Variants in PLCH1 observed in about 807,000 individuals in gnomAD.
The protein encoded by PLCH1 is phospholipase C eta 1.
Under a neutral mutation model 126.7 loss-of-function variants are expected in PLCH1, and 60 were observed. The observed-to-expected ratio is 0.47, with a 90% CI of 0.38 to 0.59. The LOEUF (loss-of-function observed/expected upper bound fraction) is 0.59, where lower values mean the gene tolerates loss of function less well. Among genes scored for constraint, PLCH1 ranks in the 20% least tolerant of loss-of-function variants. The pLI is 0.00. For missense variants in PLCH1, 1,723 were observed against 2,040.0 expected, an observed-to-expected ratio of 0.84 and a Z score of 2.99; for synonymous variants, 719 against 734.9, an observed-to-expected ratio of 0.98 and a Z score of 0.35.
intron 2 of PLCH1, among the ~76,000 whole-genome samples, chr3:155,699,625 T>C (rs949461003): frequency 2.0e-5 from 3 of 152,218 alleles, no homozygotes; most frequent in African/African-American, 7.2e-5. Flanking sequence ...CCTAATTCAC[T>C]TTTGCATAAT....
intron 14 of PLCH1, among the ~76,000 whole-genome samples, chr3:155,500,298 G>A (rs1411849569): frequency 6.6e-6 from 1 of 152,314 alleles, no homozygotes; most frequent in Admixed American, 6.5e-5. Flanking sequence ...ACAATGAGGA[G>A]CCAAACTTGT....
At chr3:155,699,441 T>C (rs1193034365) in intron 2 of PLCH1, among the ~76,000 whole-genome samples, 2 of 152,204 alleles carry the variant, frequency 1.3e-5, no homozygotes, top group Admixed American at 1.3e-4. Context: ...AGGAATTCTA[T>C]GTGCACAGGT....
In PLCH1 at chr3:155,669,268, A is replaced by G. The variant is rs79832380; in HGVS notation, c.79+34878T>C. On this transcript the variant is annotated intron_variant, in intron 2 of 22. Transcript: ENST00000460012. Reference sequence around the variant, plus strand: ...ATTAAATAGAGAACTGGCTAAGCACATTTTTTTAAATAAAATAAGAAACTT... The same window carrying G: ...ATTAAATAGAGAACTGGCTAAGCACGTTTTTTTAAATAAAATAAGAAACTT... Among the ~76,000 whole-genome samples the G allele has an allele frequency of 3.0e-3, 454 of 152,294 alleles. 2 individuals are homozygous for G. The highest frequency in any genetic ancestry group is 0.01 in the African/African-American group (422 of 41,550).
chr3:155,451,214 T>C (rs916254648), intron 21 of PLCH1, among the ~76,000 whole-genome samples: 16 of 152,132 alleles, frequency 1.1e-4, no homozygotes, highest in African/African-American at 3.6e-4. Flanking sequence ...CATCATTTGA[T>C]AACATTACAG....
intron 2 of PLCH1, among the ~76,000 whole-genome samples, chr3:155,699,242 ATT>A (rs1385186431): frequency 1.3e-5 from 2 of 151,766 alleles, no homozygotes; most frequent in African/African-American, 4.8e-5. Context: ...CACCCAGCTA[ATT>A]TTTTGTATTT....
At position 155,492,754 on chromosome 3, in the gene PLCH1, T is replaced by C; in HGVS notation, c.2282A>G (p.Asp761Gly). The stretch of plus-strand genomic sequence containing the variant: ...CTCGCCTCGATCTCCAAACATGGAG[T>C]CTGGAGGTTTGGGGAGTTGCTGTCC... The part of the protein sequence containing the change: ...ISGQQLPKPP[D>G]SMFGDRGEII... The change falls in exon 18 of 23, where the codon GAC (aspartate) becomes GGC (glycine). Residue 761 changes from aspartate (D) to glycine (G), a missense_variant. Asp to Gly is a moderately conservative substitution (Grantham distance 94, BLOSUM62 -1). Coordinates refer to ENST00000460012, the MANE Select transcript of PLCH1 (RefSeq NM_014996.4). 4 of 1,596,222 alleles carry C rather than the reference T, an allele frequency of 2.5e-6. No individual in the cohort carries two copies. Among genetic ancestry groups the C allele is most frequent in the African/African-American group, 2.7e-5 (2 of 74,090 alleles).
rs1200179269 is a variant in PLCH1, at chr3:155,480,028, A to C, written c.*940T>G. 6.6e-6 allele frequency: 1 copy of C among 152,428 alleles called. No individual in the cohort carries two copies. The highest frequency in any genetic ancestry group is 1.9e-4 in the East Asian group (1 of 5,194). The allele number at this position is 152,428 out of a possible 1,614,324, so 9.4% of individuals were successfully genotyped here. ...AGTGAAAATAATGCATGTCAGTACT[A>C]AAATAGAGTTGCTTGGTTCCCTGAA... On this transcript the variant is annotated 3_prime_UTR_variant, in exon 23 of 23. Coordinates refer to ENST00000460012, the MANE Select transcript of PLCH1 (RefSeq NM_014996.4).
intron 2 of PLCH1, among the ~76,000 whole-genome samples, chr3:155,605,321 C>A (rs1396533904): frequency 6.6e-6 from 1 of 152,058 alleles, no homozygotes; most frequent in African/African-American, 2.4e-5. Flanking sequence ...AGAGTAAATT[C>A]TTGGGGATCA....
intron 2 of PLCH1, among the ~76,000 whole-genome samples, chr3:155,646,266 T>C (rs1213861363): frequency 6.6e-6 from 1 of 152,200 alleles, no homozygotes. Flanking sequence ...GGCTTCAGGC[T>C]CAAGCCTGGA....
chr3:155,631,456 C>T (rs1002637029), intron 2 of PLCH1, among the ~76,000 whole-genome samples: 6 of 152,180 alleles, frequency 3.9e-5, no homozygotes, highest in East Asian at 3.9e-4. Context: ...GCCTGGACTC[C>T]GGCTCTCCCA....
At chr3:155,553,353 G>A (rs1009176115) in intron 9 of PLCH1, among the ~76,000 whole-genome samples, 7 of 152,078 alleles carry the variant, frequency 4.6e-5, no homozygotes, top group South Asian at 4.1e-4. Flanking sequence ...CTGGCCTCAC[G>A]TGATCCACCC....
chr3:155,521,081 G>T (rs940643467), intron 11 of PLCH1, among the ~76,000 whole-genome samples: 1 of 151,968 alleles, frequency 6.6e-6, no homozygotes, highest in African/African-American at 2.4e-5. Flanking sequence ...CTTCTTTCAG[G>T]CCTTTGTTCA....
intron 12 of PLCH1, among the ~76,000 whole-genome samples, chr3:155,510,218 C>T (rs1719244653): frequency 9.0e-6 from 1 of 110,506 alleles, no homozygotes; most frequent in Admixed American, 9.1e-5. Flanking sequence ...GTGGATCTTC[C>T]TCCATCCTTT....
chr3:155,671,246 A>G (rs1361147104), intron 2 of PLCH1, among the ~76,000 whole-genome samples: 2 of 152,180 alleles, frequency 1.3e-5, no homozygotes, highest in Non-Finnish European at 2.9e-5. Context: ...AACTATATGC[A>G]CTTCACAGAG....
At chr3:155,677,666 T>G (rs1744194839) in intron 2 of PLCH1, among the ~76,000 whole-genome samples, 1 of 152,214 alleles carries the variant, frequency 6.6e-6, no homozygotes, top group African/African-American at 2.4e-5. Flanking sequence ...GTTATTGCAG[T>G]AATTAATTTA....
intron 2 of PLCH1, among the ~76,000 whole-genome samples, chr3:155,614,405 G>A (rs535123968): frequency 2.6e-5 from 4 of 151,942 alleles, no homozygotes; most frequent in African/African-American, 9.7e-5. Context: ...TATACTACAA[G>A]GAGATAGTTA....
chr3:155,601,496 A>G (rs1014540855), intron 2 of PLCH1, among the ~76,000 whole-genome samples: 1 of 152,102 alleles, frequency 6.6e-6, no homozygotes, highest in East Asian at 1.9e-4. Context: ...TATATAATAC[A>G]TATATACATA....
intron 2 of PLCH1, among the ~76,000 whole-genome samples, chr3:155,622,791 T>C (rs1420192714): frequency 6.6e-6 from 1 of 152,094 alleles, no homozygotes; most frequent in Non-Finnish European, 1.5e-5. Context: ...CAAAGAGACT[T>C]ACACTCCCAC....
intron 2 of PLCH1, among the ~76,000 whole-genome samples, chr3:155,678,821 AC>A (rs1744291305): frequency 6.6e-6 from 1 of 152,134 alleles, no homozygotes; most frequent in African/African-American, 2.4e-5. Context: ...TACCTTATAG[AC>A]CCTCATCAAC....
Sources: allele counts gnomAD v4.1 joint callset (sites outside exome capture counted in the v4.1 genomes callset), GRCh38; gene constraint gnomAD v4.1.1; transcripts MANE v1.5; gene names NCBI Gene and HGNC (gene_info 2026-07-23, HGNC 2026-07-21).